PTPRG: variants seen among roughly 807,000 people sequenced by gnomAD.
PTPRG encodes protein tyrosine phosphatase receptor type G.
Under a neutral mutation model 165.3 loss-of-function variants are expected in PTPRG, and 102 were observed. The ratio of observed to expected loss-of-function variants is 0.62; its 90% CI spans 0.53 to 0.73. The LOEUF is 0.73. PTPRG is among the 30% of genes least tolerant of loss of function. The pLI is 0.00. For missense variants in PTPRG, 1,866 were observed against 1,861.4 expected, an observed-to-expected ratio of 1.00 and a Z score of -0.05; for synonymous variants, 675 against 669.5, an observed-to-expected ratio of 1.01 and a Z score of -0.13.
chr3:61,673,999 T>A (rs4491896), intron 1 of PTPRG, among the ~76,000 whole-genome samples: 1 of 150,018 alleles, frequency 6.7e-6, no homozygotes, highest in East Asian at 2.0e-4. Flanking sequence ...CATGGACACA[T>A]GGAGGGGAAC....
intron 1 of PTPRG, among the ~76,000 whole-genome samples, chr3:61,604,977 G>C (rs1480050871): frequency 6.6e-6 from 1 of 152,174 alleles, no homozygotes; most frequent in Non-Finnish European, 1.5e-5. Context: ...TTTGTACACA[G>C]AGCTGGTAAA....
chr3:62,024,492 A>T (rs62243282), intron 4 of PTPRG, among the ~76,000 whole-genome samples: 20,498 of 152,196 alleles, frequency 0.13, 1,635 homozygotes, highest in Admixed American at 0.23. Flanking sequence ...AAGTGATTTT[A>T]ATTTTCTACT....
chr3:61,621,033 G>GTGTATATATATATA (rs767786792), intron 1 of PTPRG, among the ~76,000 whole-genome samples: 17 of 129,984 alleles, frequency 1.3e-4, no homozygotes, highest in East Asian at 2.4e-4. Flanking sequence ...GTGTGTGTGT[G>GTGTATATATATATA]TATATATATA....
chr3:61,600,188 A>ACATGTGTGTGTGTGTGTG (rs1553639781), intron 1 of PTPRG, among the ~76,000 whole-genome samples: 1 of 133,278 alleles, frequency 7.5e-6, no homozygotes, highest in African/African-American at 2.8e-5. Context: ...ATATATATAT[A>ACATGTGTGTGTGTGTGTG]TATATGTGTG....
intron 1 of PTPRG, among the ~76,000 whole-genome samples, chr3:61,714,507 A>G (rs1262906282): frequency 6.6e-6 from 1 of 152,226 alleles, no homozygotes; most frequent in Non-Finnish European, 1.5e-5. Context: ...GCCACAAGAT[A>G]GAAGCAGTCT....
chr3:62,114,154 C>G (rs1038673177), intron 5 of PTPRG, among the ~76,000 whole-genome samples: 1 of 152,098 alleles, frequency 6.6e-6, no homozygotes, highest in African/African-American at 2.4e-5. Context: ...CGAAACTTAC[C>G]TGGACATGGT....
intron 1 of PTPRG, among the ~76,000 whole-genome samples, chr3:61,639,608 G>T (rs374516114): frequency 1.7e-4 from 26 of 152,040 alleles, no homozygotes; most frequent in African/African-American, 5.1e-4. Context: ...CGTACTTCTT[G>T]TAGCAATCTT....
At chr3:61,723,967 C>T (rs1315360776) in intron 1 of PTPRG, among the ~76,000 whole-genome samples, 2 of 152,198 alleles carry the variant, frequency 1.3e-5, no homozygotes, top group African/African-American at 2.4e-5. Context: ...CCCTGTGGCT[C>T]ATGCCTATAA....
intron 6 of PTPRG, among the ~76,000 whole-genome samples, chr3:62,138,874 C>T (rs897485498): frequency 1.3e-5 from 2 of 152,116 alleles, no homozygotes; most frequent in Non-Finnish European, 2.9e-5. Context: ...AATTTGTCTT[C>T]CTTTTTATAG....
At chr3:62,189,439 T>C (rs1467368740) in intron 8 of PTPRG, among the ~76,000 whole-genome samples, 1 of 152,114 alleles carries the variant, frequency 6.6e-6, no homozygotes, top group East Asian at 1.9e-4. Context: ...CTGCAGGGCA[T>C]GTGGGTGGTC....
chr3:62,001,743 T>G, intron 3 of PTPRG, among the ~76,000 whole-genome samples: 1 of 152,192 alleles, frequency 6.6e-6, no homozygotes, highest in Non-Finnish European at 1.5e-5. Context: ...CATGACACGT[T>G]GAAAATTTTG....
In PTPRG at chr3:61,941,478, C is replaced by T. The variant is rs915237963; in HGVS notation, c.191-48147C>T. On this transcript the variant is annotated intron_variant, in intron 2 of 29. Transcript: ENST00000474889. ...TCTCTACTAAAATACAAAAAATTAG[C>T]CGGGCATGGCGGTGCATGCCTGTAG... 1.4e-4 allele frequency among the ~76,000 whole-genome samples: 21 copies of T among 152,154 alleles called. 1 individual carries two copies. The highest frequency in any genetic ancestry group is 4.8e-4 in the African/African-American group (20 of 41,444).
rs1703098222 is a variant in PTPRG at position 62,297,382 on chromosome 3, G to A, written c.*4075G>A. ...CTTTTTAATTCCATTGACCATTTGT[G>A]CAATAGGAATTAGACATAATTAGTC... On this transcript the variant is annotated 3_prime_UTR_variant, in exon 30 of 30. Coordinates refer to ENST00000474889, the MANE Select transcript of PTPRG (RefSeq NM_002841.4). The A allele has an allele frequency of 6.7e-6, 1 of 150,286 alleles. No homozygotes were observed. The highest frequency in any genetic ancestry group is 1.5e-5 in the Non-Finnish European group (1 of 67,702). 9.3% of individuals were successfully genotyped at this position (150,286 alleles called of 1,614,324 possible). A position where few individuals can be genotyped will look rare whatever the true frequency, so the allele number is the denominator to read the frequency against.
At chr3:61,629,451 G>A (rs1296010291) in intron 1 of PTPRG, among the ~76,000 whole-genome samples, 2 of 152,158 alleles carry the variant, frequency 1.3e-5, no homozygotes, top group African/African-American at 2.4e-5. Flanking sequence ...ACTGTACCCG[G>A]CCCCTGAGTT....
chr3:62,191,084 G>A (rs1338419241), intron 8 of PTPRG, among the ~76,000 whole-genome samples: 6 of 152,072 alleles, frequency 3.9e-5, no homozygotes, highest in Non-Finnish European at 5.9e-5. Context: ...TCTGTGTCCC[G>A]TGCATGTGTG....
intron 4 of PTPRG, among the ~76,000 whole-genome samples, chr3:62,077,237 A>G (rs1472481721): frequency 2.0e-5 from 3 of 152,016 alleles, no homozygotes; most frequent in African/African-American, 7.2e-5. Context: ...ACTGCATTCC[A>G]GCCTCGGCCA....
intron 4 of PTPRG, among the ~76,000 whole-genome samples, chr3:62,062,357 G>A (rs1700844670): frequency 6.6e-6 from 1 of 152,130 alleles, no homozygotes; most frequent in African/African-American, 2.4e-5. Context: ...GTTTGATAAA[G>A]CAGGTACATT....
chr3:61,591,628 G>T (rs1256156656), intron 1 of PTPRG, among the ~76,000 whole-genome samples: 1 of 152,198 alleles, frequency 6.6e-6, no homozygotes, highest in Non-Finnish European at 1.5e-5. Flanking sequence ...GAAGAGGAGA[G>T]GGCAGTGAGG....
At chr3:62,086,013 A>G (rs1701741338) in intron 5 of PTPRG, among the ~76,000 whole-genome samples, 1 of 152,230 alleles carries the variant, frequency 6.6e-6, no homozygotes, top group Non-Finnish European at 1.5e-5. Flanking sequence ...AGAATAATGC[A>G]AGAATTATAT....
Sources: allele counts gnomAD v4.1 joint callset (sites outside exome capture counted in the v4.1 genomes callset), GRCh38; gene constraint gnomAD v4.1.1; transcripts MANE v1.5; gene names NCBI Gene and HGNC (gene_info 2026-07-23, HGNC 2026-07-21).